Variants in SPMIP8 observed in about 807,000 individuals in gnomAD.
SPMIP8 encodes sperm microtubule inner protein 8.
At chr16:57,977,724 A>G in the SPMIP8 span, 19 of 1,398,750 alleles carry the variant, frequency 1.4e-5, no homozygotes, top group Non-Finnish European at 1.8e-5. Context: ...GCAAGTAGAC[A>G]TCGGCACTGG....
chr16:57,982,387 G>T, the SPMIP8 span, among the ~76,000 whole-genome samples: 359 of 152,274 alleles, frequency 2.4e-3, 4 homozygotes, highest in African/African-American at 8.2e-3. Flanking sequence ...AGTCCACCCA[G>T]TTTCCATTGC....
chr16:57,976,582 T>G, the SPMIP8 span: 10 of 1,614,080 alleles, frequency 6.2e-6, no homozygotes, highest in Non-Finnish European at 8.5e-6. Context: ...CTGAAAGTCC[T>G]TATAAGCCTG....
chr16:57,982,187 A>G, the SPMIP8 span, among the ~76,000 whole-genome samples: 2 of 152,188 alleles, frequency 1.3e-5, no homozygotes, highest in African/African-American at 2.4e-5. Flanking sequence ...TCTACATGAC[A>G]CAATACCATT....
the SPMIP8 span, chr16:57,986,130 A>G: frequency 3.2e-6 from 2 of 621,930 alleles, no homozygotes; most frequent in African/African-American, 1.9e-5. Flanking sequence ...TGTGCAGCCC[A>G]CTGGGGTGGG....
chr16:57,984,674 C>A, the SPMIP8 span: 2 of 1,595,288 alleles, frequency 1.3e-6, no homozygotes, highest in East Asian at 2.3e-5. Context: ...GCAACAGGTA[C>A]CACGAGGGAA....
chr16:57,985,435 C>G, the SPMIP8 span: 3 of 1,613,244 alleles, frequency 1.9e-6, no homozygotes, highest in East Asian at 6.7e-5. Flanking sequence ...GCAGGGCGTC[C>G]GTGCTCCCCC....
At chr16:57,986,463 A>G in the SPMIP8 span, 1 of 152,402 alleles carries the variant, frequency 6.6e-6, no homozygotes, top group Non-Finnish European at 1.5e-5. Flanking sequence ...CCCACTTTGT[A>G]CACTCCAGCC....
At chr16:57,978,079 A>C in the SPMIP8 span, 8 of 1,574,996 alleles carry the variant, frequency 5.1e-6, no homozygotes, top group Non-Finnish European at 6.1e-6. Context: ...GGGAAGGGGC[A>C]GATGGTTTCA....
At chr16:57,985,195 T>G in the SPMIP8 span, 1 of 1,518,600 alleles carries the variant, frequency 6.6e-7, no homozygotes, top group Non-Finnish European at 8.8e-7. Flanking sequence ...AGAGGGGCTT[T>G]CTGTTCGCAG....
the SPMIP8 span, among the ~76,000 whole-genome samples, chr16:57,983,540 T>C: frequency 6.6e-6 from 1 of 152,190 alleles, no homozygotes; most frequent in African/African-American, 2.4e-5. Flanking sequence ...TACATTGGAA[T>C]CTTTGGAGTT....
the SPMIP8 span, among the ~76,000 whole-genome samples, chr16:57,977,540 C>T: frequency 6.6e-6 from 1 of 150,688 alleles, no homozygotes; most frequent in Admixed American, 6.6e-5. Flanking sequence ...TGACCTCCCT[C>T]ACAGCCATGG....
the SPMIP8 span, chr16:57,977,762 T>A: frequency 2.6e-6 from 4 of 1,562,240 alleles, no homozygotes; most frequent in African/African-American, 2.7e-5. Flanking sequence ...CAGAGAAGGG[T>A]GTCTGGCCAG....
chr16:57,987,414 C>A, the SPMIP8 span: 2 of 1,597,844 alleles, frequency 1.3e-6, no homozygotes, highest in Admixed American at 1.7e-5. Flanking sequence ...ACTACCTGAC[C>A]CCCTGGCATT....
chr16:57,986,649 A>G, the SPMIP8 span: 1 of 152,122 alleles, frequency 6.6e-6, no homozygotes, highest in African/African-American at 2.4e-5. Context: ...GCTAGAGTGC[A>G]ATGGCCTGAT....
At chr16:57,985,750 T>C in the SPMIP8 span, among the ~76,000 whole-genome samples, 1 of 152,104 alleles carries the variant, frequency 6.6e-6, no homozygotes, top group African/African-American at 2.4e-5. Context: ...CCCTGACAAC[T>C]CCACCCTTGC....
chr16:57,985,358 A>G, the SPMIP8 span: 2 of 1,578,258 alleles, frequency 1.3e-6, no homozygotes, highest in Non-Finnish European at 1.7e-6. Context: ...GGGGGAGGAG[A>G]CCCAGAGCAG....
At chr16:57,985,608 G>C in the SPMIP8 span, 1 of 1,516,492 alleles carries the variant, frequency 6.6e-7, no homozygotes, top group Non-Finnish European at 8.8e-7. Context: ...GGTCTGGGCC[G>C]CTTTCCTAGC....
the SPMIP8 span, chr16:57,986,148 G>C: frequency 1.1e-3 from 571 of 513,514 alleles, 7 homozygotes; most frequent in African/African-American, 0.01. Flanking sequence ...GGGGGTGGAC[G>C]CGGGAGGGGG....
the SPMIP8 span, chr16:57,984,878 A>G: frequency 6.7e-7 from 1 of 1,497,864 alleles, no homozygotes; most frequent in Non-Finnish European, 8.9e-7. Flanking sequence ...GGGAACGTGG[A>G]CTGCGGACGG....
Sources: allele counts gnomAD v4.1 joint callset (sites outside exome capture counted in the v4.1 genomes callset), GRCh38; gene constraint gnomAD v4.1.1; transcripts MANE v1.5; gene names NCBI Gene and HGNC (gene_info 2026-07-23, HGNC 2026-07-21).